The following BPI variants were observed in gnomAD, a reference collection of about 807,000 sequenced individuals.
BPI encodes the protein bactericidal permeability-increasing protein.
In BPI, 48 loss-of-function variants were observed where a neutral mutation model predicts 57.6. The observed-to-expected ratio is 0.83, with a 90% CI of 0.66 to 1.06. BPI has a LOEUF of 1.06. Ranked by LOEUF, BPI falls within the 50% of genes least tolerant of loss-of-function variation. BPI has a pLI of 0.00. For synonymous variants in BPI, 237 were observed against 238.2 expected (o/e 0.99, Z 0.05); for missense variants, 651 against 609.7 (o/e 1.07, Z -0.71).
intron 3 of BPI, 98 bp downstream of exon 3, chr20:38,309,156 C>T (rs2076610561): frequency 2.6e-6 from 4 of 1,528,022 alleles, no homozygotes; most frequent in South Asian, 2.3e-5. Context: ...TTTTGCCTTG[C>T]CTATTACCAC....
At chr20:38,309,711 A>T (rs1396091644) in intron 3 of BPI, among the ~76,000 whole-genome samples, 1 of 152,186 alleles carries the variant, frequency 6.6e-6, no homozygotes, top group Non-Finnish European at 1.5e-5. Flanking sequence ...GCAGGGTGAA[A>T]AATAGGGGCA....
In BPI at chr20:38,320,508, C is replaced by T. The variant is rs373910851; in HGVS notation, c.756+234C>T. 3.7e-4 allele frequency among the ~76,000 whole-genome samples: 57 copies of T among 152,012 alleles called. 1 individual carries two copies. In the South Asian group the frequency reaches 0.012, roughly 31 times the overall value. On this transcript the variant is annotated intron_variant, in intron 7 of 14. Transcript: ENST00000642449. Reference sequence around the variant, plus strand: ...CAAAGGCCTTTGCCCTTGCTTTTTCCTCCGCCTGGGTACTCTCCCCCAGGT... The same window carrying T: ...CAAAGGCCTTTGCCCTTGCTTTTTCTTCCGCCTGGGTACTCTCCCCCAGGT...
intron 4 of BPI, 45 bp from the exon 5 acceptor site, chr20:38,311,829 G>A (rs1400120654): frequency 2.5e-6 from 4 of 1,591,250 alleles, no homozygotes; most frequent in South Asian, 2.2e-5. Context: ...CCAGCCCAGG[G>A]ACAATCAAAA....
intron 5 of BPI, chr20:38,317,603 G>A (rs1027841509): frequency 2.1e-5 from 15 of 715,954 alleles, no homozygotes; most frequent in Non-Finnish European, 3.4e-5. Context: ...TTACACAAAG[G>A]TCAGGTGTAT....
At chr20:38,331,135 C>CGGCGG (rs763780967) in intron 12 of BPI, 45 bp downstream of exon 12, 21 of 1,591,872 alleles carry the variant, frequency 1.3e-5, no homozygotes, top group Middle Eastern at 1.7e-4. Flanking sequence ...TCTGACCTGG[C>CGGCGG]GGCGGGGAGG....
chr20:38,320,127 G>C, intron 6 of BPI, 56 bp from the exon 7 acceptor site: 1 of 1,415,902 alleles, frequency 7.1e-7, no homozygotes, highest in Non-Finnish European at 1.0e-6. Flanking sequence ...CTGCATTTCA[G>C]CTTCCAGCGA....
chr20:38,325,430 G>C (rs1419652918), intron 9 of BPI, among the ~76,000 whole-genome samples: 1 of 152,182 alleles, frequency 6.6e-6, no homozygotes, highest in Non-Finnish European at 1.5e-5. Context: ...TCTCTTCCTG[G>C]CTTGTAGACT....
In BPI at chr20:38,312,291, G is replaced by T. The variant is rs183929633; in HGVS notation, c.600+354G>T. On this transcript the variant is annotated intron_variant, in intron 5 of 14. Transcript: ENST00000642449. ...CCTCCCTCCACCCCACCCACCCCAAGTTCCTTCCTTGATGCTCCCCATTCA... is the reference window on the plus strand; with the variant it reads ...CCTCCCTCCACCCCACCCACCCCAATTTCCTTCCTTGATGCTCCCCATTCA... Among the ~76,000 whole-genome samples, 3 of 150,604 alleles carry T rather than the reference G, an allele frequency of 2.0e-5. No individual in the cohort carries two copies. The East Asian group carries it at 6.0e-4, about 30-fold the overall frequency.
chr20:38,326,717 G>A (rs1023290929), intron 10 of BPI, among the ~76,000 whole-genome samples: 55 of 152,152 alleles, frequency 3.6e-4, no homozygotes, highest in African/African-American at 1.3e-3. Context: ...TATGTGTACT[G>A]TTCCAATTCA....
rs1341023 is a variant in BPI, at chr20:38,304,258, C to T, written c.35C>T (p.Ala12Val). 843,083 of 1,613,624 alleles carry T rather than the reference C, an allele frequency of 0.52. 225,681 individuals carry two copies. The highest frequency in any genetic ancestry group is 0.6 in the East Asian group (26,997 of 44,846). Reference protein sequence around the residue: ...ARGPCNAPRWASLMVLVAIGT... With the variant: ...ARGPCNAPRWVSLMVLVAIGT... The stretch of plus-strand genomic sequence containing the variant: ...GGCCCTTGCAACGCGCCGAGATGGG[C>T]GTCCCTGATGGTGCTGGTCGCCATA... The change falls in exon 1 of 15, where the codon GCG becomes GTG. Residue 12 changes from alanine (A) to valine (V), a missense_variant. By Grantham distance (64) the Ala-to-Val change is moderately conservative. Coordinates refer to ENST00000642449, the MANE Select transcript of BPI (RefSeq NM_001725.3).
chr20:38,331,614 CAGG>C (rs2076742960), intron 12 of BPI, among the ~76,000 whole-genome samples: 2 of 151,992 alleles, frequency 1.3e-5, no homozygotes, highest in South Asian at 4.1e-4. Flanking sequence ...GAGGCTGAAG[CAGG>C]AGGACTGCTT....
rs1191622036 is a variant in BPI, at chr20:38,331,063, G to A, written c.1245G>A (p.Leu415=). Residue 415 remains leucine, a synonymous_variant, in exon 12 of 15, where the codon CTG becomes CTA. Coordinates refer to ENST00000642449, the MANE Select transcript of BPI (RefSeq NM_001725.3). ...CCTCTCACAGGCTGCTCCTGGAACT[G>A]AAGCACTCAAATATTGGCCCCTTCC... ...ELKLDRLLLE[L]KHSNIGPFPV... 1 of 1,614,116 alleles carries A rather than the reference G, an allele frequency of 6.2e-7. No homozygotes were observed. The highest frequency in any genetic ancestry group is 1.7e-5 in the Admixed American group (1 of 60,010).
chr20:38,304,239 T>C lies in BPI; in HGVS notation c.16T>C (p.Cys6Arg), dbSNP rs543664092. The C allele has an allele frequency of 6.2e-7, 1 of 1,614,152 alleles. No homozygotes were observed. The highest frequency in any genetic ancestry group is 8.5e-7 in the Non-Finnish European group (1 of 1,180,024). MARGP[C>R]NAPRWASLMV... ...GAGAGAGAACATGGCCAGGGGCCCTTGCAACGCGCCGAGATGGGCGTCCCT... is the reference window on the plus strand; with the variant it reads ...GAGAGAGAACATGGCCAGGGGCCCTCGCAACGCGCCGAGATGGGCGTCCCT... The change falls in exon 1 of 15, where the codon TGC (cysteine) becomes CGC (arginine). Residue 6 changes from cysteine (C) to arginine (R), a missense_variant. Physicochemically the swap from Cys to Arg is radical, Grantham distance 180. Transcript: ENST00000642449.
chr20:38,316,938 T>C (rs1159527743), intron 5 of BPI, among the ~76,000 whole-genome samples: 1 of 152,044 alleles, frequency 6.6e-6, no homozygotes, highest in Non-Finnish European at 1.5e-5. Flanking sequence ...CCAGAGAAGC[T>C]CCCACATCTT....
rs576382404 is a variant in BPI at position 38,324,574 on chromosome 20, T to C, written c.934-200T>C. Among the ~76,000 whole-genome samples, 71 of 152,174 alleles carry C rather than the reference T, an allele frequency of 4.7e-4. No individual in the cohort carries two copies. The Middle Eastern group carries it at 0.01, about 22-fold the overall frequency. On this transcript the variant is annotated intron_variant, in intron 8 of 14. Transcript: ENST00000642449. ...CGGTCACTGACCAGCTCCTGACCATTCTGGGCCAACTGCTGCAGAAGGTGT... is the reference window on the plus strand; with the variant it reads ...CGGTCACTGACCAGCTCCTGACCATCCTGGGCCAACTGCTGCAGAAGGTGT...
chr20:38,334,481 C>T lies in BPI; in HGVS notation c.1324C>T (p.Pro442Ser), dbSNP rs2076757465. Residue 442 changes from proline (P) to serine (S), a missense_variant, in exon 13 of 15, where the codon CCC becomes TCC. Pro to Ser is a moderately conservative substitution (Grantham distance 74). Transcript: ENST00000642449. ...CTACATTGTACCCATTCTTGTGCTG[C>T]CCAGGGTTAACGGTAAGGAACTTTG... ...MNYIVPILVL[P>S]RVNEKLQKGF... 1.2e-6 allele frequency: 2 copies of T among 1,613,600 alleles called. No homozygotes were observed. The highest frequency in any genetic ancestry group is 1.7e-6 in the Non-Finnish European group (2 of 1,179,506).
chr20:38,307,773 A>T, intron 2 of BPI, 92 bp downstream of exon 2: 1 of 1,050,394 alleles, frequency 9.5e-7, no homozygotes, highest in Non-Finnish European at 1.4e-6. Context: ...AAACTCCTCA[A>T]CTCACAGAGT....
At chr20:38,335,728 A>G (rs1351677322) in intron 14 of BPI, 54 bp downstream of exon 14, 2 of 1,551,464 alleles carry the variant, frequency 1.3e-6, no homozygotes, top group Admixed American at 1.7e-5. Context: ...GACCAACAGC[A>G]GCCTATGGCT....
At chr20:38,333,402 G>T (rs2076751568) in intron 12 of BPI, among the ~76,000 whole-genome samples, 1 of 152,290 alleles carries the variant, frequency 6.6e-6, no homozygotes, top group South Asian at 2.1e-4. Context: ...CAAGCATCTT[G>T]AGGGTTTTAC....
Sources: gnomAD v4.1 joint callset for allele counts (sites outside exome capture counted in the v4.1 genomes callset) on GRCh38, gnomAD v4.1.1 for gene constraint, MANE v1.5 for transcripts, NCBI Gene and HGNC (gene_info 2026-07-23, HGNC 2026-07-21) for gene names.